The following GRID2 variants were observed in gnomAD, a reference collection of about 807,000 sequenced individuals.
GRID2 encodes the protein glutamate receptor ionotropic, delta-2.
In GRID2, 33 loss-of-function variants were observed where a neutral mutation model predicts 114.8. The ratio of observed to expected loss-of-function variants is 0.29; its 90% CI spans 0.22 to 0.38. The LOEUF (loss-of-function observed/expected upper bound fraction) is 0.38. Among genes scored for constraint, GRID2 ranks in the 10% least tolerant of loss-of-function variants. The pLI is 1.00. For missense variants in GRID2, 1,184 were observed against 1,257.7 expected (o/e 0.94, Z 0.89); for synonymous variants, 505 against 449.9 (o/e 1.12, Z -1.55).
intron 8 of GRID2, among the ~76,000 whole-genome samples, chr4:93,385,258 A>G (rs538913872): frequency 1.9e-3 from 286 of 152,314 alleles, no homozygotes; most frequent in Non-Finnish European, 3.3e-3. Flanking sequence ...TGATTGTACT[A>G]TCTCTAGCGA....
intron 2 of GRID2, among the ~76,000 whole-genome samples, chr4:92,941,087 T>C (rs2149535583): frequency 6.6e-6 from 1 of 152,328 alleles, no homozygotes; most frequent in Non-Finnish European, 1.5e-5. Flanking sequence ...CCTCATAAAA[T>C]GAGTTAGGGA....
intron 1 of GRID2, among the ~76,000 whole-genome samples, chr4:92,440,331 C>G (rs1579363238): frequency 1.4e-5 from 2 of 145,440 alleles, no homozygotes; most frequent in East Asian, 4.0e-4. Context: ...GAAGGCTAAA[C>G]TGAGGAATTA....
intron 13 of GRID2, among the ~76,000 whole-genome samples, chr4:93,569,650 C>T (rs1261762305): frequency 3.3e-5 from 5 of 152,168 alleles, no homozygotes; most frequent in African/African-American, 1.2e-4. Flanking sequence ...CAGTTGTTTA[C>T]ATTCTCAGGT....
At chr4:93,052,624 A>G (rs955844165) in intron 2 of GRID2, among the ~76,000 whole-genome samples, 5 of 151,954 alleles carry the variant, frequency 3.3e-5, no homozygotes, top group African/African-American at 9.7e-5. Flanking sequence ...TTACAATGTT[A>G]CGGGTCAACC....
At chr4:93,506,025 A>G (rs1578146579) in intron 12 of GRID2, among the ~76,000 whole-genome samples, 1 of 152,130 alleles carries the variant, frequency 6.6e-6, no homozygotes, top group Non-Finnish European at 1.5e-5. Flanking sequence ...CAGCATTTCC[A>G]TCTTCCCTTA....
At chr4:93,094,667 C>A (rs1212444825) in intron 3 of GRID2, among the ~76,000 whole-genome samples, 1 of 151,826 alleles carries the variant, frequency 6.6e-6, no homozygotes, top group East Asian at 1.9e-4. Flanking sequence ...GGGAAGGAAT[C>A]CTAAACATCA....
intron 2 of GRID2, among the ~76,000 whole-genome samples, chr4:92,637,487 G>A (rs1480136048): frequency 2.6e-5 from 4 of 151,820 alleles, no homozygotes; most frequent in East Asian, 3.9e-4. Flanking sequence ...GAATATATTC[G>A]TGTCCTTATA....
At chr4:92,848,889 T>C (rs1743544856) in intron 2 of GRID2, among the ~76,000 whole-genome samples, 1 of 151,828 alleles carries the variant, frequency 6.6e-6, no homozygotes, top group South Asian at 2.1e-4. Flanking sequence ...GAGGACACTG[T>C]GAGGGAGTGG....
At position 93,737,406 on chromosome 4, in the gene GRID2, T is replaced by C. The variant is rs907536824; in HGVS notation, c.2361-31804T>C. Reference sequence around the variant, plus strand: ...GACTTAAACAAAATACAGAGGACATTATCACTAGAAGGCTACATTTTAAAT... The same window carrying C: ...GACTTAAACAAAATACAGAGGACATCATCACTAGAAGGCTACATTTTAAAT... On this transcript the variant is annotated intron_variant, in intron 14 of 15. Coordinates refer to ENST00000282020, the MANE Select transcript of GRID2 (RefSeq NM_001510.4). Among the ~76,000 whole-genome samples the C allele has an allele frequency of 9.2e-5, 14 of 152,074 alleles. No individual in the cohort carries two copies. The South Asian group carries it at 1.0e-3, about 11-fold the overall frequency.
At chr4:92,634,867 G>GAGAGAGAGAA in intron 2 of GRID2, among the ~76,000 whole-genome samples, 1 of 131,622 alleles carries the variant, frequency 7.6e-6, no homozygotes, top group South Asian at 2.5e-4. Flanking sequence ...GACAGAGAGA[G>GAGAGAGAGAA]AGAGAGAGAG....
At chr4:93,390,262 A>G (rs1247620019) in intron 8 of GRID2, among the ~76,000 whole-genome samples, 1 of 152,188 alleles carries the variant, frequency 6.6e-6, no homozygotes, top group East Asian at 1.9e-4. Context: ...ATAGTCAACA[A>G]AATATTCTAA....
chr4:93,070,341 T>C lies in GRID2; in HGVS notation c.245-14654T>C, dbSNP rs548519155. The stretch of plus-strand genomic sequence containing the variant: ...TGTAAAGTGCATAGACAGTTTTTTT[T>C]CCCCAGAAATAGAAATGCTTCTGCT... On this transcript the variant is annotated intron_variant, in intron 2 of 15. Coordinates refer to ENST00000282020, the MANE Select transcript of GRID2 (RefSeq NM_001510.4). Among the ~76,000 whole-genome samples, 18 of 152,210 alleles carry C rather than the reference T, an allele frequency of 1.2e-4. No individual in the cohort carries two copies. In the South Asian group the frequency reaches 1.4e-3, roughly 12 times the overall value.
intron 2 of GRID2, among the ~76,000 whole-genome samples, chr4:92,854,789 A>G (rs1177771050): frequency 6.6e-6 from 1 of 152,040 alleles, no homozygotes; most frequent in Non-Finnish European, 1.5e-5. Context: ...AATAATAAAA[A>G]AATTTAGAAA....
At chr4:92,952,505 T>C (rs939708242) in intron 2 of GRID2, among the ~76,000 whole-genome samples, 3 of 151,556 alleles carry the variant, frequency 2.0e-5, no homozygotes, top group Non-Finnish European at 4.4e-5. Flanking sequence ...TTTGTGCTTC[T>C]CCTCATGTTT....
chr4:92,704,247 C>T (rs1734832384), intron 2 of GRID2, among the ~76,000 whole-genome samples: 1 of 152,128 alleles, frequency 6.6e-6, no homozygotes, highest in African/African-American at 2.4e-5. Context: ...CACTGCACTC[C>T]AGCCTGGGCG....
At chr4:92,526,237 T>C (rs1725035170) in intron 1 of GRID2, among the ~76,000 whole-genome samples, 1 of 152,098 alleles carries the variant, frequency 6.6e-6, no homozygotes, top group African/African-American at 2.4e-5. Flanking sequence ...TTCCCAGTGC[T>C]ATAATGATAG....
At chr4:92,476,352 A>G (rs182663017) in intron 1 of GRID2, among the ~76,000 whole-genome samples, 41 of 152,292 alleles carry the variant, frequency 2.7e-4, no homozygotes, top group Admixed American at 1.2e-3. Flanking sequence ...TACATTAAAC[A>G]TAAGATAATT....
chr4:93,645,062 A>G (rs1719067226), intron 14 of GRID2, among the ~76,000 whole-genome samples: 1 of 152,178 alleles, frequency 6.6e-6, no homozygotes, highest in Non-Finnish European at 1.5e-5. Context: ...ATATTAGCTG[A>G]GTGAAAAAAT....
intron 2 of GRID2, among the ~76,000 whole-genome samples, chr4:92,945,163 C>T (rs953715702): frequency 3.3e-5 from 5 of 152,072 alleles, no homozygotes; most frequent in South Asian, 2.1e-4. Context: ...CATCCTATTT[C>T]TTATGTAATC....
Sources: allele counts gnomAD v4.1 joint callset (sites outside exome capture counted in the v4.1 genomes callset), GRCh38; gene constraint gnomAD v4.1.1; transcripts MANE v1.5; gene names NCBI Gene and HGNC (gene_info 2026-07-23, HGNC 2026-07-21).